The following GPAT3 variants were observed in gnomAD, a reference collection of about 807,000 sequenced individuals.
GPAT3 encodes glycerol-3-phosphate acyltransferase 3.
GPAT3 carries 53 observed loss-of-function variants against 58.8 expected under a neutral mutation model. The ratio of observed to expected loss-of-function variants is 0.90; its 90% CI spans 0.72 to 1.13. The LOEUF (loss-of-function observed/expected upper bound fraction) is 1.13. Among genes scored for constraint, GPAT3 ranks in the 50% most tolerant of loss-of-function variants. The pLI is 0.00. For missense variants in GPAT3, 511 were observed against 527.6 expected, an observed-to-expected ratio of 0.97 and a Z score of 0.31; for synonymous variants, 197 against 187.4, an observed-to-expected ratio of 1.05 and a Z score of -0.42.
At chr4:83,575,351 T>C (rs576188029) in intron 2 of GPAT3, among the ~76,000 whole-genome samples, 10 of 152,342 alleles carry the variant, frequency 6.6e-5, no homozygotes, top group Non-Finnish European at 1.2e-4. Flanking sequence ...ATAGTCAACA[T>C]ATCTCAGGAG....
At position 83,581,599 on chromosome 4, in the gene GPAT3, G is replaced by T. The variant is rs751726188; in HGVS notation, c.246G>T (p.Gly82=). Residue 82 remains glycine, a synonymous_variant, in exon 3 of 12, where the codon GGG becomes GGT. Coordinates refer to ENST00000264409, the MANE Select transcript of GPAT3 (RefSeq NM_032717.5). ...IQRDESPMEK[G]LSGLRGRDFE... ...GAGATGAGTCACCCATGGAAAAAGG[G>T]CTCTCTGGTCTACGAGGAAGGGACT... 6.2e-7 allele frequency: 1 copy of T among 1,614,114 alleles called. No homozygotes were observed. The highest frequency in any genetic ancestry group is 8.5e-7 in the Non-Finnish European group (1 of 1,180,016).
intron 2 of GPAT3, among the ~76,000 whole-genome samples, chr4:83,549,566 T>C (rs959966611): frequency 6.7e-6 from 1 of 150,132 alleles, no homozygotes; most frequent in Non-Finnish European, 1.5e-5. Flanking sequence ...AGGGTCTCAC[T>C]CTATCACCCA....
At chr4:83,594,201 A>C (rs573517345) in intron 6 of GPAT3, among the ~76,000 whole-genome samples, 47 of 152,190 alleles carry the variant, frequency 3.1e-4, no homozygotes, top group African/African-American at 1.1e-3. Context: ...GCTGCATAAT[A>C]CTCCATTATT....
rs370252217 is a variant in GPAT3 at position 83,594,144 on chromosome 4, GA to G, written c.739-698del. Among the ~76,000 whole-genome samples, 467 of 152,208 alleles carry G rather than the reference GA, an allele frequency of 3.1e-3. 2 individuals carry two copies. The highest frequency in any genetic ancestry group is 0.011 in the African/African-American group (448 of 41,532). ...CTTTTTCATTTAACAATATCTCCTG[GA>G]AATTACTCTTTATCAGTCATAGAGA... On this transcript the variant is annotated intron_variant, in intron 6 of 11. Transcript: ENST00000264409.
chr4:83,537,625 G>A (rs28465533), intron 1 of GPAT3, among the ~76,000 whole-genome samples: 53,061 of 147,006 alleles, frequency 0.36, 9,936 homozygotes, highest in Middle Eastern at 0.51. Flanking sequence ...GTGTGTGTGT[G>A]TATATTTAAC....
rs202176842 is a variant in GPAT3, at chr4:83,590,260, T to C, written c.706T>C (p.Leu236=). ...VANHTSPIDV[L]ILTTDGCYAM... is the part of the protein sequence containing the mutation. ...CAACCATACTTCCCCCATTGATGTT[T>C]TAATCTTGACAACGGATGGATGTTA... Residue 236 remains leucine, a synonymous_variant, in exon 6 of 12, where the codon TTA becomes CTA. Coordinates refer to ENST00000264409, the MANE Select transcript of GPAT3 (RefSeq NM_032717.5). 19 of 1,613,774 alleles carry C rather than the reference T, an allele frequency of 1.2e-5. No homozygotes were observed. The highest frequency in any genetic ancestry group is 1.7e-5 in the Admixed American group (1 of 59,972).
intron 2 of GPAT3, among the ~76,000 whole-genome samples, chr4:83,561,213 A>G (rs1315564259): frequency 6.6e-6 from 1 of 152,248 alleles, no homozygotes; most frequent in Non-Finnish European, 1.5e-5. Flanking sequence ...AGAGAAACTG[A>G]TAATGAATTC....
At chr4:83,563,481 T>C (rs191738185) in intron 2 of GPAT3, among the ~76,000 whole-genome samples, 2,683 of 133,728 alleles carry the variant, frequency 0.02, 39 homozygotes, top group African/African-American at 0.067. Flanking sequence ...CTTTCTTCTT[T>C]TTTTTTTTTT....
chr4:83,560,722 A>G (rs2110081446), intron 2 of GPAT3, among the ~76,000 whole-genome samples: 1 of 152,302 alleles, frequency 6.6e-6, no homozygotes, highest in South Asian at 2.1e-4. Flanking sequence ...GTTAGATCAC[A>G]GGGGTAGGTT....
intron 3 of GPAT3, among the ~76,000 whole-genome samples, chr4:83,582,138 G>GGAA (rs377297551): frequency 6.6e-6 from 1 of 151,974 alleles, no homozygotes; most frequent in African/African-American, 2.4e-5. Context: ...AAGAGGAAGA[G>GGAA]GAAGAAGAAG....
At chr4:83,568,257 T>C (rs1363250898) in intron 2 of GPAT3, among the ~76,000 whole-genome samples, 1 of 152,182 alleles carries the variant, frequency 6.6e-6, no homozygotes, top group East Asian at 1.9e-4. Context: ...CGAATGCTTT[T>C]TTTTAAAATA....
intron 2 of GPAT3, among the ~76,000 whole-genome samples, chr4:83,545,912 G>T (rs1337427534): frequency 6.6e-6 from 1 of 151,976 alleles, no homozygotes; most frequent in Admixed American, 6.6e-5. Context: ...ATAGATTGGG[G>T]TGATTGTGGT....
At chr4:83,562,432 T>A (rs1190055466) in intron 2 of GPAT3, among the ~76,000 whole-genome samples, 1 of 150,568 alleles carries the variant, frequency 6.6e-6, no homozygotes, top group Non-Finnish European at 1.5e-5. Context: ...GTTTTATGAG[T>A]GGCATTAGAC....
At chr4:83,578,947 C>CTT (rs776919610) in intron 2 of GPAT3, among the ~76,000 whole-genome samples, 1 of 25,724 alleles carries the variant, frequency 3.9e-5, no homozygotes, top group Non-Finnish European at 1.0e-4. Context: ...CTTTTCTTTT[C>CTT]TTTTCTTTCT....
intron 2 of GPAT3, among the ~76,000 whole-genome samples, chr4:83,579,886 C>T (rs551221692): frequency 5.3e-5 from 8 of 152,246 alleles, no homozygotes; most frequent in East Asian, 1.9e-4. Context: ...TAACTCTTTC[C>T]GGGATAGGTA....
chr4:83,552,262 C>T (rs1486207740), intron 2 of GPAT3, among the ~76,000 whole-genome samples: 1 of 152,180 alleles, frequency 6.6e-6, no homozygotes, highest in South Asian at 2.1e-4. Flanking sequence ...CTGGCCTCTA[C>T]CCAGTAGATG....
chr4:83,589,603 G>C (rs932879387), intron 5 of GPAT3, among the ~76,000 whole-genome samples: 1 of 152,140 alleles, frequency 6.6e-6, no homozygotes, highest in Non-Finnish European at 1.5e-5. Context: ...AATTTTCTCC[G>C]TGGATTACCA....
intron 2 of GPAT3, among the ~76,000 whole-genome samples, chr4:83,566,509 T>A (rs933261918): frequency 6.6e-6 from 1 of 150,984 alleles, no homozygotes; most frequent in Non-Finnish European, 1.5e-5. Flanking sequence ...TGACCTTAAG[T>A]GATCCACCCG....
chr4:83,551,788 T>C (rs888112998), intron 2 of GPAT3, among the ~76,000 whole-genome samples: 2 of 81,032 alleles, frequency 2.5e-5, no homozygotes, highest in African/African-American at 1.1e-4. Context: ...TGAGACTCCA[T>C]CTCGGAAAAA....
Sources: gnomAD v4.1 joint callset for allele counts (sites outside exome capture counted in the v4.1 genomes callset) on GRCh38, gnomAD v4.1.1 for gene constraint, MANE v1.5 for transcripts, NCBI Gene and HGNC (gene_info 2026-07-23, HGNC 2026-07-21) for gene names.